Variants in DTX1 observed in about 807,000 individuals in gnomAD.
DTX1 encodes the protein E3 ubiquitin-protein ligase DTX1.
Under a neutral mutation model 57.8 loss-of-function variants are expected in DTX1, and 26 were observed. That is an observed-to-expected ratio of 0.45 (90% CI 0.33 to 0.62). The LOEUF (loss-of-function observed/expected upper bound fraction) is 0.62, where lower values mean the gene tolerates loss of function less well. DTX1 is among the 20% of genes least tolerant of loss of function. The pLI, the probability that DTX1 is intolerant of heterozygous loss-of-function variation, is 0.02. For missense variants in DTX1, 704 were observed against 895.3 expected (o/e 0.79, Z 2.73); for synonymous variants, 398 against 394.1 (o/e 1.01, Z -0.12).
At chr12:113,071,474 C>T (rs1365604366) in intron 2 of DTX1, among the ~76,000 whole-genome samples, 3 of 152,260 alleles carry the variant, frequency 2.0e-5, no homozygotes, top group African/African-American at 2.4e-5. Flanking sequence ...CCCTAACTGC[C>T]TGGGGGACGC....
In DTX1 at chr12:113,058,161, T is replaced by C. The variant is rs1318318092; in HGVS notation, c.-32T>C. On this transcript the variant is annotated 5_prime_UTR_variant, in exon 2 of 10. Transcript: ENST00000548759. ...CCAGGAGGAGCTGGGCCTGCAATAG[T>C]GGGGGACCTGGCCCCTGAGGCAGTG... The C allele has an allele frequency of 6.4e-7, 1 of 1,566,296 alleles. No individual in the cohort carries two copies. The highest frequency in any genetic ancestry group is 8.7e-7 in the Non-Finnish European group (1 of 1,155,452).
At position 113,093,267 on chromosome 12, in the gene DTX1, G is replaced by C. The variant is rs1486410771; in HGVS notation, c.1003+44G>C. On this transcript the variant is annotated intron_variant, in intron 4 of 9. Transcript: ENST00000548759. The surrounding 1 kb of genome is among the most constrained non-coding windows in gnomAD (Gnocchi z 4.2). ...CGGGAAAGAAGGGCGGGGCCCACTA[G>C]GAGGCAGCTCCGCCTGTCACCCGGT... is the stretch of plus-strand genomic sequence containing the variant. 3 of 1,551,200 alleles carry C rather than the reference G, an allele frequency of 1.9e-6. No homozygotes were observed. The South Asian group carries it at 3.6e-5, about 18-fold the overall frequency.
Position 113,078,105 on chromosome 12 carries a change from G to T in DTX1, c.941G>T (p.Gly314Val), listed in dbSNP as rs1245881004. Reference protein sequence around the residue: ...SVSARASIPPGVPALPVKNLN... With the variant: ...SVSARASIPPVVPALPVKNLN... Reference sequence around the variant, plus strand: ...AGCGCGCGCGCCTCCATCCCGCCGGGGTAAGACGGGGCCCAGGGGGAGGGG... The same window carrying T: ...AGCGCGCGCGCCTCCATCCCGCCGGTGTAAGACGGGGCCCAGGGGGAGGGG... Residue 314 changes from glycine to valine, a missense_variant and splice_region_variant, in exon 3 of 10, where the codon GGG (glycine) becomes GTG (valine). Transcript: ENST00000548759. 2 of 1,372,416 alleles carry T rather than the reference G, an allele frequency of 1.5e-6. No homozygotes were observed. The highest frequency in any genetic ancestry group is 1.6e-5 in the South Asian group (1 of 62,262). 85.0% of individuals were successfully genotyped at this position (1,372,416 alleles called of 1,614,324 possible). A position where few individuals can be genotyped will look rare whatever the true frequency, so the allele number is the denominator to read the frequency against.
rs1474066577 is a variant in DTX1 at position 113,087,112 on chromosome 12, G to A, written c.942-6050G>A. ...CCCGCAGAGAGCTGGGCAGGCTGGA[G>A]GACCGGGAGGGTTGAAGAGTGACCC... On this transcript the variant is annotated intron_variant, in intron 3 of 9. Coordinates refer to ENST00000548759, the MANE Select transcript of DTX1 (RefSeq NM_004416.3). 3.1e-5 allele frequency among the ~76,000 whole-genome samples: 4 copies of A among 127,128 alleles called. No individual in the cohort carries two copies. The East Asian group carries it at 8.1e-4, about 26-fold the overall frequency. 83.4% of individuals were successfully genotyped at this position (127,128 alleles called of 152,430 possible). A position where few individuals can be genotyped will look rare whatever the true frequency, so the allele number is the denominator to read the frequency against.
Position 113,078,040 on chromosome 12 carries a change from C to G in DTX1, c.876C>G (p.Asn292Lys). Residue 292 changes from asparagine to lysine, a missense_variant, in exon 3 of 10, where the codon AAC becomes AAG. Coordinates refer to ENST00000548759, the MANE Select transcript of DTX1 (RefSeq NM_004416.3). ...APGGARTPGQ[N>K]NLNRPGPQRT... ...GCGGAGCGCGCACCCCGGGGCAGAA[C>G]AACCTCAACCGGCCCGGGCCCCAGC... 1 of 1,336,088 alleles carries G rather than the reference C, an allele frequency of 7.5e-7. No homozygotes were observed. Among genetic ancestry groups the G allele is most frequent in the Non-Finnish European group, 9.6e-7 (1 of 1,041,586 alleles). 82.8% of individuals were successfully genotyped at this position (1,336,088 alleles called of 1,614,324 possible). A position where few individuals can be genotyped will look rare whatever the true frequency, so the allele number is the denominator to read the frequency against.
intron 3 of DTX1, among the ~76,000 whole-genome samples, chr12:113,088,929 C>T (rs994379142): frequency 1.3e-5 from 2 of 152,020 alleles, no homozygotes; most frequent in East Asian, 1.9e-4. Context: ...GTGGGAAGAT[C>T]GCTTGAGCCC....
At chr12:113,082,689 G>A (rs1444030847) in intron 3 of DTX1, among the ~76,000 whole-genome samples, 1 of 152,116 alleles carries the variant, frequency 6.6e-6, no homozygotes, top group Non-Finnish European at 1.5e-5. Flanking sequence ...TGAAACTTCT[G>A]GGCTCAAGAA....
intron 9 of DTX1, 88 bp downstream of exon 9, chr12:113,095,502 C>T: frequency 6.6e-7 from 1 of 1,521,332 alleles, no homozygotes; most frequent in South Asian, 1.2e-5. Flanking sequence ...CCCATCATTC[C>T]CAATCCCTGC....
intron 2 of DTX1, 52 bp downstream of exon 2, chr12:113,058,503 T>C: frequency 6.4e-7 from 1 of 1,555,720 alleles, no homozygotes; most frequent in East Asian, 2.2e-5. Flanking sequence ...ATCACTACCT[T>C]GCAGCGTAGG....
At position 113,057,500 on chromosome 12, in the gene DTX1, TC is replaced by T. The variant is rs1207934204; in HGVS notation, c.-688del. The T allele has an allele frequency of 6.9e-6, 1 of 144,966 alleles. No homozygotes were observed. The highest frequency in any genetic ancestry group is 2.5e-5 in the African/African-American group (1 of 39,424). The allele number at this position is 144,966 out of a possible 1,614,324, so 9.0% of individuals were successfully genotyped here. The stretch of plus-strand genomic sequence containing the variant: ...TGCCCACGGGCCCCCGCCCCCCTCG[TC>T]CCCCTCGTCCCCCAGCCCAGCTCCG... On this transcript the variant is annotated 5_prime_UTR_variant, in exon 2 of 10. Transcript: ENST00000548759.
At chr12:113,084,908 C>G (rs1043896298) in intron 3 of DTX1, among the ~76,000 whole-genome samples, 1 of 152,166 alleles carries the variant, frequency 6.6e-6, no homozygotes, top group Non-Finnish European at 1.5e-5. Flanking sequence ...GAAGCCCCAC[C>G]CTGATTCCTG....
rs573976886 is a variant in DTX1, at chr12:113,059,664, C to T, written c.259+1213C>T. Among the ~76,000 whole-genome samples the T allele has an allele frequency of 3.3e-5, 5 of 152,208 alleles. No homozygotes were observed. In the East Asian group the frequency reaches 9.7e-4, roughly 29 times the overall value. On this transcript the variant is annotated intron_variant, in intron 2 of 9. Coordinates refer to ENST00000548759, the MANE Select transcript of DTX1 (RefSeq NM_004416.3). ...CTAGAAATCCTTGGCATGTTTGACC[C>T]CCCAAGGACCAGCTGATGGGGTTTG...
At position 113,077,163 on chromosome 12, in the gene DTX1, G is replaced by A. The variant is rs1019631608; in HGVS notation, c.260-261G>A. On this transcript the variant is annotated intron_variant, in intron 2 of 9. Coordinates refer to ENST00000548759, the MANE Select transcript of DTX1 (RefSeq NM_004416.3). The surrounding 1 kb of genome is among the most constrained non-coding windows in gnomAD (Gnocchi z 7.8). ...CCCACCTCTCGCCCCAGTGCTATGC[G>A]CTGAACCTTTAGCCCCGGCCCCCCT... Among the ~76,000 whole-genome samples the A allele has an allele frequency of 6.6e-6, 1 of 151,894 alleles. No homozygotes were observed. Among genetic ancestry groups the A allele is most frequent in the Non-Finnish European group, 1.5e-5 (1 of 67,962 alleles).
chr12:113,086,379 T>C (rs1031460611), intron 3 of DTX1, among the ~76,000 whole-genome samples: 1 of 151,396 alleles, frequency 6.6e-6, no homozygotes, highest in Admixed American at 6.6e-5. Context: ...AAGGCCAGTG[T>C]GGTTGGAGAG....
At position 113,093,579 on chromosome 12, in the gene DTX1, G is replaced by T; in HGVS notation, c.1044G>T (p.Val348=). 6.2e-7 allele frequency: 1 copy of T among 1,611,056 alleles called. No homozygotes were observed. The highest frequency in any genetic ancestry group is 2.2e-5 in the East Asian group (1 of 44,804). Residue 348 remains valine, a synonymous_variant, in exon 5 of 10, where the codon GTG becomes GTT. Coordinates refer to ENST00000548759, the MANE Select transcript of DTX1 (RefSeq NM_004416.3). The surrounding 1 kb of genome is among the most constrained non-coding windows in gnomAD (Gnocchi z 4.2). Reference sequence around the variant, plus strand: ...TGCTGTGCGCGGCCGGGCTGCCCGTGTGCCTGACGCGGGCCCCCAAGCCCA... The same window carrying T: ...TGCTGTGCGCGGCCGGGCTGCCCGTTTGCCTGACGCGGGCCCCCAAGCCCA... ...GILLCAAGLP[V]CLTRAPKPIL...
chr12:113,062,875 C>G (rs1377832691), intron 2 of DTX1, among the ~76,000 whole-genome samples: 4 of 152,218 alleles, frequency 2.6e-5, no homozygotes, highest in African/African-American at 7.2e-5. Flanking sequence ...CTGCTCCCTG[C>G]AGGGGGTGAG....
chr12:113,074,166 T>C (rs112268147), intron 2 of DTX1, among the ~76,000 whole-genome samples: 12,034 of 152,052 alleles, frequency 0.079, 639 homozygotes, highest in African/African-American at 0.14. Context: ...GAGGCAGAGG[T>C]TGCAGTGAGC....
At chr12:113,067,435 C>A (rs1030142136) in intron 2 of DTX1, among the ~76,000 whole-genome samples, 2 of 152,190 alleles carry the variant, frequency 1.3e-5, no homozygotes, top group African/African-American at 4.8e-5. Flanking sequence ...GCCAGGTGAT[C>A]TTGCCCAAGT....
chr12:113,071,484 C>A (rs2044737838), intron 2 of DTX1, among the ~76,000 whole-genome samples: 2 of 152,398 alleles, frequency 1.3e-5, no homozygotes, highest in Non-Finnish European at 2.9e-5. Flanking sequence ...CTGGGGGACG[C>A]AGACCCTGTG....
Sources: gnomAD v4.1 joint callset for allele counts (sites outside exome capture counted in the v4.1 genomes callset) on GRCh38, gnomAD v4.1.1 for gene constraint, Gnocchi (gnomAD v3.1) non-coding constraint, MANE v1.5 for transcripts, NCBI Gene and HGNC (gene_info 2026-07-23, HGNC 2026-07-21) for gene names.